Variants in DCAKD observed in about 807,000 individuals in gnomAD.
DCAKD encodes the protein dephospho-CoA kinase domain containing, also known as dephospho-CoA kinase domain-containing protein.
In DCAKD, 15 loss-of-function variants were observed where a neutral mutation model predicts 18.7. That is an observed-to-expected ratio of 0.80 (90% CI 0.54 to 1.24). The LOEUF (loss-of-function observed/expected upper bound fraction) is 1.24, where lower values mean the gene tolerates loss of function less well. Among genes scored for constraint, DCAKD ranks in the 50% most tolerant of loss-of-function variants. The pLI, the probability that DCAKD is intolerant of heterozygous loss-of-function variation, is 0.00. For missense variants in DCAKD, 301 were observed against 322.0 expected (o/e 0.93, Z 0.50); for synonymous variants, 130 against 133.0 (o/e 0.98, Z 0.16).
Position 45,033,534 on chromosome 17 carries a change from G to C in DCAKD, c.316+653C>G, listed in dbSNP as rs559078921. 4.6e-5 allele frequency among the ~76,000 whole-genome samples: 7 copies of C among 152,188 alleles called. No homozygotes were observed. The South Asian group carries it at 8.3e-4, about 18-fold the overall frequency. On this transcript the variant is annotated intron_variant, in intron 3 of 4. Transcript: ENST00000651974. ...CAGTCTGAGTATAGGGTGCAATCTC[G>C]GTTCACTGCAACCTCCACCTCCCAG...
intron 2 of DCAKD, 126 bp from the exon 3 acceptor site, chr17:45,034,516 G>C: frequency 9.1e-7 from 1 of 1,104,386 alleles, no homozygotes. Context: ...AAAGCAAAAT[G>C]AGGGTAGAGA....
chr17:45,060,611 T>G (rs1326357621), intron 1 of DCAKD, among the ~76,000 whole-genome samples: 1 of 152,244 alleles, frequency 6.6e-6, no homozygotes, highest in Non-Finnish European at 1.5e-5. Flanking sequence ...GCGAAAGAGC[T>G]TGGCGAAGAT....
At chr17:45,026,062 G>A (rs1291862794) in intron 4 of DCAKD, among the ~76,000 whole-genome samples, 2 of 151,962 alleles carry the variant, frequency 1.3e-5, no homozygotes, top group South Asian at 4.1e-4. Flanking sequence ...GGGATTACAG[G>A]CGTGCAACAC....
At chr17:45,030,432 G>A (rs1054402863) in intron 3 of DCAKD, among the ~76,000 whole-genome samples, 1 of 152,166 alleles carries the variant, frequency 6.6e-6, no homozygotes, top group Non-Finnish European at 1.5e-5. Context: ...TGGGGGGCAG[G>A]TCTTTTGATA....
chr17:45,051,636 A>T (rs1233710343), upstream of DCAKD: 1 of 146,888 alleles, frequency 6.8e-6, no homozygotes, highest in African/African-American at 2.5e-5. Context: ...GCGAGGCGGG[A>T]CCTCGGGAGC....
At chr17:45,045,897 C>CT (rs1567847115) in intron 1 of DCAKD, among the ~76,000 whole-genome samples, 1 of 152,014 alleles carries the variant, frequency 6.6e-6, no homozygotes, top group East Asian at 2.0e-4. Context: ...GCGGTTTTGG[C>CT]TTACTGCAAC....
At chr17:45,037,847 A>C (rs1025902056) in intron 1 of DCAKD, among the ~76,000 whole-genome samples, 1 of 150,704 alleles carries the variant, frequency 6.6e-6, no homozygotes, top group African/African-American at 2.4e-5. Flanking sequence ...GCTCACTGCA[A>C]GCTCTGCCTC....
In DCAKD at chr17:45,034,339, G is replaced by A; in HGVS notation, c.164C>T (p.Thr55Ile). The change falls in exon 3 of 5, where the codon ACT becomes ATT. Residue 55 changes from threonine (T) to isoleucine (I), a missense_variant. Coordinates refer to ENST00000651974, the MANE Select transcript of DCAKD (RefSeq NM_001288655.2). ...GTCGCCGTTCTCCAGCAAGACCTCA[G>A]TGCCGAAGACCTCTACGATGCGCCG... ...AHRRIVEVFG[T>I]EVLLENGDIN... The A allele has an allele frequency of 2.5e-6, 4 of 1,614,082 alleles. No homozygotes were observed. The highest frequency in any genetic ancestry group is 3.4e-6 in the Non-Finnish European group (4 of 1,180,042).
At chr17:45,030,831 A>G (rs1438882742) in intron 3 of DCAKD, among the ~76,000 whole-genome samples, 2 of 152,140 alleles carry the variant, frequency 1.3e-5, no homozygotes, top group Non-Finnish European at 2.9e-5. Flanking sequence ...CTGGATCTGG[A>G]GTCAGAGCGG....
chr17:45,044,320 G>A (rs752802358), intron 1 of DCAKD, among the ~76,000 whole-genome samples: 9 of 151,810 alleles, frequency 5.9e-5, no homozygotes, highest in African/African-American at 1.2e-4. Flanking sequence ...CTGCCCAATC[G>A]TCCCCCCATC....
upstream of DCAKD, among the ~76,000 whole-genome samples, chr17:45,052,207 G>T (rs1412367508): frequency 6.6e-6 from 1 of 152,168 alleles, no homozygotes; most frequent in Admixed American, 6.5e-5. Context: ...TTTCCCCGGA[G>T]CCGGGAAGGA....
At chr17:45,056,051 A>C (rs190407321), upstream of DCAKD, among the ~76,000 whole-genome samples, 19 of 151,996 alleles carry the variant, frequency 1.3e-4, no homozygotes, top group East Asian at 2.1e-3. Flanking sequence ...GCTACTCAGG[A>C]GGCTGAGGCA....
chr17:45,053,515 G>A (rs1445357863), upstream of DCAKD, among the ~76,000 whole-genome samples: 6 of 151,502 alleles, frequency 4.0e-5, no homozygotes, highest in African/African-American at 1.2e-4. Flanking sequence ...TCTACCTCCC[G>A]GGTTCAAGCG....
intron 1 of DCAKD, among the ~76,000 whole-genome samples, chr17:45,060,001 G>A (rs1238779291): frequency 6.6e-6 from 1 of 152,150 alleles, no homozygotes; most frequent in Non-Finnish European, 1.5e-5. Context: ...CTACTCAGGA[G>A]GCCGAGGCAA....
intron 3 of DCAKD, among the ~76,000 whole-genome samples, chr17:45,032,398 G>A (rs547100763): frequency 3.8e-4 from 58 of 152,158 alleles, no homozygotes; most frequent in African/African-American, 1.2e-3. Context: ...CCCTCTTTTG[G>A]AGGGAGGTAT....
At position 45,044,689 on chromosome 17, in the gene DCAKD, C is replaced by CAATAAATA. The variant is rs143312640; in HGVS notation, c.-115+6664_-115+6671dup. On this transcript the variant is annotated intron_variant, in intron 1 of 4. Transcript: ENST00000651974. ...CCTGGGAGACAGAGAGAGACTCCATCAATAAATAAATAAATAAATAAATAA... is the reference window on the plus strand; with the variant it reads ...CCTGGGAGACAGAGAGAGACTCCATCAATAAATAAATAAATAAATAAATAAATAAATAA... 8.2e-4 allele frequency among the ~76,000 whole-genome samples: 121 copies of CAATAAATA among 147,422 alleles called. 1 individual carries two copies. Among genetic ancestry groups the CAATAAATA allele is most frequent in the East Asian group, 1.8e-3 (9 of 4,872 alleles).
chr17:45,030,350 G>A (rs1412552650), intron 3 of DCAKD, among the ~76,000 whole-genome samples, 171 bp from the exon 4 acceptor site: 2 of 152,242 alleles, frequency 1.3e-5, no homozygotes, highest in Admixed American at 1.3e-4. Context: ...GAAGGCTGCA[G>A]AAAATTATTT....
At chr17:45,035,110 C>T in intron 1 of DCAKD, 111 bp from the exon 2 acceptor site, 1 of 525,886 alleles carries the variant, frequency 1.9e-6, no homozygotes, top group Non-Finnish European at 3.4e-6. Flanking sequence ...ATGTCCTGAG[C>T]TTGGGGTGCT....
At chr17:45,041,750 G>A (rs1187404837) in intron 1 of DCAKD, among the ~76,000 whole-genome samples, 1 of 152,066 alleles carries the variant, frequency 6.6e-6, no homozygotes, top group Non-Finnish European at 1.5e-5. Flanking sequence ...GGGTGGTGGG[G>A]GGAGCAGGGG....
Sources: allele counts gnomAD v4.1 joint callset (sites outside exome capture counted in the v4.1 genomes callset), GRCh38; gene constraint gnomAD v4.1.1; transcripts MANE v1.5; gene names NCBI Gene and HGNC (gene_info 2026-07-23, HGNC 2026-07-21).